Variants in PRSS55 observed in about 807,000 individuals in gnomAD.
The protein encoded by PRSS55 is serine protease 55.
In PRSS55, 41 loss-of-function variants were observed where a neutral mutation model predicts 23.6. The observed-to-expected ratio is 1.74, with a 90% CI of 1.35 to 2.26. The LOEUF is 2.26. PRSS55 is among the 30% of genes most tolerant of loss of function. PRSS55 has a pLI of 0.00. For synonymous variants in PRSS55, 262 were observed against 175.5 expected, an observed-to-expected ratio of 1.49 and a Z score of -3.90; for missense variants, 669 against 439.1, an observed-to-expected ratio of 1.52 and a Z score of -4.68.
At chr8:10,548,376 T>G (rs1391080872) in intron 4 of PRSS55, among the ~76,000 whole-genome samples, 3 of 152,012 alleles carry the variant, frequency 2.0e-5, no homozygotes, top group Admixed American at 2.0e-4. Flanking sequence ...AGAGGTTCCC[T>G]GAGAGCTGGC....
chr8:10,528,926 C>T (rs535571724), intron 1 of PRSS55, among the ~76,000 whole-genome samples: 2 of 152,292 alleles, frequency 1.3e-5, no homozygotes, highest in South Asian at 4.1e-4. Flanking sequence ...TTTGCCTTTC[C>T]TCTGCAGTCA....
At chr8:10,529,483 T>A in intron 1 of PRSS55, 24 bp from the exon 2 acceptor site, 3 of 1,612,394 alleles carry the variant, frequency 1.9e-6, no homozygotes, top group Non-Finnish European at 2.5e-6. Flanking sequence ...CCCTTTTCCT[T>A]TCCACTCTCT....
At chr8:10,534,247 T>C (rs1812377462) in intron 4 of PRSS55, among the ~76,000 whole-genome samples, 1 of 152,190 alleles carries the variant, frequency 6.6e-6, no homozygotes. Context: ...TAGTATCTTG[T>C]AAAATAAAAA....
rs555046320 is a variant in PRSS55, at chr8:10,549,975, C to T, written c.742-3968C>T. ...CAGTCTATTGCTCAGGCTGGAGTGC[C>T]GTGCTGTGATCTCAGCTCACTGCAG... On this transcript the variant is annotated intron_variant, in intron 4 of 4. Transcript: ENST00000522210. Among the ~76,000 whole-genome samples, 147 of 152,218 alleles carry T rather than the reference C, an allele frequency of 9.7e-4. 1 individual carries two copies. The highest frequency in any genetic ancestry group is 2.5e-3 in the African/African-American group (105 of 41,518).
intron 4 of PRSS55, chr8:10,544,980 A>C (rs1486966882): frequency 4.1e-6 from 4 of 984,186 alleles, no homozygotes; most frequent in Admixed American, 1.2e-4. Flanking sequence ...AGGGACAGAA[A>C]ACTGACTGTG....
At chr8:10,533,115 A>G in intron 4 of PRSS55, 67 bp downstream of exon 4, 2 of 1,519,792 alleles carry the variant, frequency 1.3e-6, no homozygotes, top group South Asian at 2.3e-5. Context: ...GTGCAAGGGT[A>G]TTCTCTCTCT....
At position 10,538,715 on chromosome 8, in the gene PRSS55, C is replaced by G; in HGVS notation, c.981C>G (p.Val327=). Residue 327 remains valine (V), a synonymous_variant, in exon 5 of 5, where the codon GTC becomes GTG. Transcript: ENST00000328655. ...QKPMGSPVSG[V]PEPGSPRSWL... ...CTATGGGCTCCCCAGTCTCGGGAGT[C>G]CCAGAGCCAGGCAGCCCCAGATCCT... is the stretch of plus-strand genomic sequence containing the variant. 1 of 1,613,764 alleles carries G rather than the reference C, an allele frequency of 6.2e-7. No homozygotes were observed. The highest frequency in any genetic ancestry group is 8.5e-7 in the Non-Finnish European group (1 of 1,179,866).
intron 2 of PRSS55, 54 bp downstream of exon 2, chr8:10,529,753 A>G: frequency 6.5e-7 from 1 of 1,527,066 alleles, no homozygotes; most frequent in Non-Finnish European, 9.0e-7. Context: ...CCCCTGGGGC[A>G]CCCTCCCCCT....
intron 4 of PRSS55, among the ~76,000 whole-genome samples, chr8:10,545,984 G>C (rs1192344298): frequency 1.3e-5 from 2 of 152,090 alleles, no homozygotes; most frequent in African/African-American, 4.8e-5. Context: ...GCTGTCCTCA[G>C]ATTACCCTGA....
At chr8:10,534,882 A>T (rs1812402239) in intron 4 of PRSS55, among the ~76,000 whole-genome samples, 1 of 152,210 alleles carries the variant, frequency 6.6e-6, no homozygotes, top group South Asian at 2.1e-4. Context: ...GGGATACAAA[A>T]TCAATGTACA....
chr8:10,527,339 T>C (rs747741208), intron 1 of PRSS55, among the ~76,000 whole-genome samples: 3 of 152,192 alleles, frequency 2.0e-5, no homozygotes, highest in African/African-American at 4.8e-5. Flanking sequence ...TGTGCTGCCT[T>C]CCAGACACCC....
chr8:10,547,865 G>A (rs1038425485), intron 4 of PRSS55, among the ~76,000 whole-genome samples: 1 of 151,828 alleles, frequency 6.6e-6, no homozygotes, highest in African/African-American at 2.4e-5. Flanking sequence ...GGAACAACAT[G>A]TCACGCCCTC....
rs115236590 is a variant in PRSS55 at position 10,529,530 on chromosome 8, G to A, written c.178G>A (p.Glu60Lys). The A allele has an allele frequency of 5.9e-5, 95 of 1,614,122 alleles. 1 individual carries two copies. The African/African-American group carries it at 9.3e-4, about 16-fold the overall frequency. Residue 60 changes from glutamate to lysine, a missense_variant, in exon 2 of 5, where the codon GAG (glutamate) becomes AAG (lysine). By Grantham distance (56) the Glu-to-Lys change is moderately conservative (BLOSUM62 1). Coordinates refer to ENST00000328655, the MANE Select transcript of PRSS55 (RefSeq NM_198464.4). ...VSECGDRSIF[E>K]GRTRYSRITG... ...AGAATGTGGTGACAGATCTATTTTCGAGGGAAGAACTCGGTATTCCAGAAT... is the reference window on the plus strand; with the variant it reads ...AGAATGTGGTGACAGATCTATTTTCAAGGGAAGAACTCGGTATTCCAGAAT...
chr8:10,538,064 T>G (rs1202308716), intron 4 of PRSS55, among the ~76,000 whole-genome samples: 1 of 152,160 alleles, frequency 6.6e-6, no homozygotes, highest in African/African-American at 2.4e-5. Flanking sequence ...GGAGACCCAG[T>G]TCTTAGCCCT....
chr8:10,549,728 T>C (rs1812910598), intron 4 of PRSS55, among the ~76,000 whole-genome samples: 2 of 152,172 alleles, frequency 1.3e-5, no homozygotes, highest in Non-Finnish European at 2.9e-5. Context: ...CCCCTGACTT[T>C]GGAGAAAGAC....
intron 4 of PRSS55, among the ~76,000 whole-genome samples, chr8:10,546,941 C>T (rs745587215): frequency 3.3e-5 from 5 of 152,160 alleles, no homozygotes; most frequent in African/African-American, 1.2e-4. Context: ...TCAAGCCTCT[C>T]AAAGTGCTGG....
chr8:10,539,623 T>C (rs1185265651), downstream of PRSS55, among the ~76,000 whole-genome samples: 2 of 152,202 alleles, frequency 1.3e-5, no homozygotes, highest in East Asian at 3.9e-4. Flanking sequence ...TGCAGAGGTT[T>C]CCCCATACTG....
At chr8:10,551,777 G>A (rs766844562) in intron 4 of PRSS55, among the ~76,000 whole-genome samples, 18 of 152,140 alleles carry the variant, frequency 1.2e-4, no homozygotes, top group Non-Finnish European at 1.9e-4. Flanking sequence ...ACAAAAAATC[G>A]CACTCCTCCC....
downstream of PRSS55, among the ~76,000 whole-genome samples, chr8:10,543,553 A>C (rs1283650080): frequency 6.7e-6 from 1 of 149,200 alleles, no homozygotes; most frequent in Non-Finnish European, 1.5e-5. Context: ...GTTTCCTTTA[A>C]CAAATCTGTC....
Sources: allele counts gnomAD v4.1 joint callset (sites outside exome capture counted in the v4.1 genomes callset), GRCh38; gene constraint gnomAD v4.1.1; transcripts MANE v1.5; gene names NCBI Gene and HGNC (gene_info 2026-07-23, HGNC 2026-07-21).